The following EPHA3 variants were observed in gnomAD, a reference collection of about 807,000 sequenced individuals.
EPHA3 encodes EPH receptor A3, also known as ephrin type-A receptor 3.
A neutral mutation model predicts 107.1 loss-of-function variants in EPHA3; 42 were observed. That is an observed-to-expected ratio of 0.39 (90% CI 0.31 to 0.51). The LOEUF is 0.51. Ranked by LOEUF, EPHA3 falls within the 20% of genes least tolerant of loss-of-function variation. EPHA3 has a pLI of 0.78. For missense variants in EPHA3, 1,183 were observed against 1,211.2 expected (o/e 0.98, Z 0.35); for synonymous variants, 461 against 424.8 (o/e 1.09, Z -1.05).
intron 1 of EPHA3, among the ~76,000 whole-genome samples, chr3:89,111,421 C>A (rs7426527): frequency 0.91 from 138,649 of 151,900 alleles, 63,474 homozygotes; most frequent in Admixed American, 0.95. Context: ...ATTTGCTTTT[C>A]ATAGCATTTC....
At chr3:89,435,192 G>A (rs1026031474) in intron 13 of EPHA3, among the ~76,000 whole-genome samples, 1 of 151,876 alleles carries the variant, frequency 6.6e-6, no homozygotes, top group Non-Finnish European at 1.5e-5. Flanking sequence ...TGCACAAAAT[G>A]TTTTGGGAAT....
intron 3 of EPHA3, among the ~76,000 whole-genome samples, chr3:89,312,465 T>G (rs543395028): frequency 1.3e-5 from 2 of 151,890 alleles, no homozygotes; most frequent in Non-Finnish European, 2.9e-5. Context: ...CTTATCTTTC[T>G]TCTTTAAATT....
At chr3:89,234,263 T>A (rs2107230622) in intron 3 of EPHA3, among the ~76,000 whole-genome samples, 1 of 152,286 alleles carries the variant, frequency 6.6e-6, no homozygotes, top group Non-Finnish European at 1.5e-5. Context: ...AATCATAATA[T>A]CAACAGAAAG....
At chr3:89,450,104 G>A (rs1303892069) in intron 14 of EPHA3, 73 bp from the exon 15 acceptor site, 10 of 1,258,920 alleles carry the variant, frequency 7.9e-6, no homozygotes, top group South Asian at 1.8e-5. Flanking sequence ...TGTGAGCCCC[G>A]CCCATGAAAA....
intron 2 of EPHA3, among the ~76,000 whole-genome samples, chr3:89,157,974 G>C (rs1704843704): frequency 6.6e-6 from 1 of 151,966 alleles, no homozygotes; most frequent in African/African-American, 2.4e-5. Flanking sequence ...AATGCCTAAA[G>C]TTTGTGAGGT....
At chr3:89,289,507 A>C (rs908802583) in intron 3 of EPHA3, among the ~76,000 whole-genome samples, 4 of 152,166 alleles carry the variant, frequency 2.6e-5, no homozygotes, top group African/African-American at 9.6e-5. Context: ...TGTGCTAAGC[A>C]CATTTATCTG....
chr3:89,148,135 C>T (rs1704608144), intron 2 of EPHA3, among the ~76,000 whole-genome samples: 1 of 151,946 alleles, frequency 6.6e-6, no homozygotes, highest in Non-Finnish European at 1.5e-5. Context: ...GTAACACACA[C>T]ATGTGCTCTC....
chr3:89,356,553 C>A (rs1324569648), intron 5 of EPHA3, among the ~76,000 whole-genome samples: 1 of 151,272 alleles, frequency 6.6e-6, no homozygotes, highest in Non-Finnish European at 1.5e-5. Flanking sequence ...TGATACATTT[C>A]TTTGGTGTGA....
chr3:89,353,008 G>A (rs755815914), intron 5 of EPHA3, among the ~76,000 whole-genome samples: 3 of 150,314 alleles, frequency 2.0e-5, no homozygotes, highest in Non-Finnish European at 4.4e-5. Context: ...GTTTCATTCT[G>A]GAATATGTTT....
At chr3:89,213,451 A>G (rs1472220525) in intron 3 of EPHA3, among the ~76,000 whole-genome samples, 5 of 152,042 alleles carry the variant, frequency 3.3e-5, no homozygotes, top group African/African-American at 7.2e-5. Flanking sequence ...GCCTTTCAGA[A>G]TGCATTGCAA....
At chr3:89,115,938 T>C (rs930075043) in intron 1 of EPHA3, among the ~76,000 whole-genome samples, 4 of 152,214 alleles carry the variant, frequency 2.6e-5, no homozygotes, top group African/African-American at 9.6e-5. Context: ...CTAATTTGTC[T>C]TCTGACTTTG....
At chr3:89,216,626 T>C (rs1704229136) in intron 3 of EPHA3, among the ~76,000 whole-genome samples, 1 of 152,062 alleles carries the variant, frequency 6.6e-6, no homozygotes, top group Non-Finnish European at 1.5e-5. Context: ...TTAGCTCTGA[T>C]TTGCTGCGTG....
intron 5 of EPHA3, among the ~76,000 whole-genome samples, chr3:89,392,344 C>T (rs1292224826): frequency 2.0e-5 from 3 of 151,744 alleles, no homozygotes; most frequent in Admixed American, 2.0e-4. Flanking sequence ...GAGGCTGAGG[C>T]AGTAGAGTCT....
chr3:89,456,641 G>C (rs1710103053), intron 15 of EPHA3, among the ~76,000 whole-genome samples: 1 of 152,090 alleles, frequency 6.6e-6, no homozygotes, highest in Non-Finnish European at 1.5e-5. Context: ...ACTGGAAGTG[G>C]GGAAGGTGGA....
At chr3:89,377,635 AG>A (rs1708426722) in intron 5 of EPHA3, among the ~76,000 whole-genome samples, 1 of 152,124 alleles carries the variant, frequency 6.6e-6, no homozygotes. Flanking sequence ...CTTTGCCTCT[AG>A]CATTTTTCCC....
rs184786970 is a variant in EPHA3, at chr3:89,434,220, T to A, written c.2346+2861T>A. Among the ~76,000 whole-genome samples the A allele has an allele frequency of 3.5e-3, 535 of 152,250 alleles. 1 individual carries two copies. Among genetic ancestry groups the A allele is most frequent in the South Asian group, 6.8e-3 (33 of 4,822 alleles). ...CATATTAAATTATTTATTTATTTAT[T>A]TATTTATTAATTTTTGAGACAGAGC... On this transcript the variant is annotated intron_variant, in intron 13 of 16. Transcript: ENST00000336596.
chr3:89,135,832 G>T (rs1483101511), intron 2 of EPHA3, among the ~76,000 whole-genome samples: 1 of 151,336 alleles, frequency 6.6e-6, no homozygotes, highest in African/African-American at 2.4e-5. Flanking sequence ...GGAAAAAAGT[G>T]AGAATCCTGT....
At chr3:89,386,317 C>A (rs1708621153) in intron 5 of EPHA3, among the ~76,000 whole-genome samples, 2 of 152,170 alleles carry the variant, frequency 1.3e-5, no homozygotes, top group African/African-American at 4.8e-5. Context: ...TTTTGAGGGC[C>A]AGTCCAAGGA....
At chr3:89,307,098 A>G (rs1419169450) in intron 3 of EPHA3, among the ~76,000 whole-genome samples, 3 of 152,188 alleles carry the variant, frequency 2.0e-5, no homozygotes, top group Non-Finnish European at 2.9e-5. Context: ...AAGTTTGATA[A>G]ATTCCTATTC....
Sources: gnomAD v4.1 joint callset for allele counts (sites outside exome capture counted in the v4.1 genomes callset) on GRCh38, gnomAD v4.1.1 for gene constraint, MANE v1.5 for transcripts, NCBI Gene and HGNC (gene_info 2026-07-23, HGNC 2026-07-21) for gene names.